The following DOCK7 variants were observed in gnomAD, a reference collection of about 807,000 sequenced individuals.
The protein encoded by DOCK7 is dedicator of cytokinesis 7.
DOCK7 carries 138 observed loss-of-function variants against 271.0 expected under a neutral mutation model. That is an observed-to-expected ratio of 0.51 (90% CI 0.44 to 0.59). The LOEUF is 0.59. Ranked by LOEUF, DOCK7 falls within the 20% of genes least tolerant of loss-of-function variation. The pLI, the probability that DOCK7 is intolerant of heterozygous loss-of-function variation, is 0.00. For missense variants in DOCK7, 2,066 were observed against 2,592.4 expected (o/e 0.80, Z 4.41); for synonymous variants, 823 against 876.1 (o/e 0.94, Z 1.07).
chr1:62,496,302 T>C (rs766133376), intron 38 of DOCK7, 37 bp downstream of exon 38: 1 of 1,601,428 alleles, frequency 6.2e-7, no homozygotes, highest in East Asian at 2.3e-5. Context: ...TTAACAAGCC[T>C]ATTTCAATTA....
chr1:62,583,107 G>C, intron 16 of DOCK7, 77 bp downstream of exon 16: 1 of 1,206,658 alleles, frequency 8.3e-7, no homozygotes, highest in South Asian at 1.4e-5. Context: ...CAAAGCATTT[G>C]GTAAACACAC....
At chr1:62,539,953 T>G in intron 25 of DOCK7, 61 bp from the exon 26 acceptor site, 1 of 1,170,016 alleles carries the variant, frequency 8.5e-7, no homozygotes, top group Non-Finnish European at 1.2e-6. Flanking sequence ...ACAACAACTC[T>G]AAACACTTGG....
At chr1:62,461,465 G>C (rs1645523862) in intron 48 of DOCK7, among the ~76,000 whole-genome samples, 1 of 151,916 alleles carries the variant, frequency 6.6e-6, no homozygotes, top group Non-Finnish European at 1.5e-5. Context: ...AGGACTGCTG[G>C]AGCCCAGGAG....
rs758704752 is a variant in DOCK7 at position 62,654,073 on chromosome 1, C to T, written c.231G>A (p.Arg77=). The part of the protein sequence containing the change: ...HPLAVDSGPL[R]DLIEFPPDDI... ...CATCTGGAGGAAATTCAATCAAATC[C>T]CGTAAAGGCCCAGAATCCACAGCCA... The change falls in exon 3 of 50, where the codon CGG becomes CGA. Residue 77 remains arginine, a synonymous_variant. Transcript: ENST00000635253. 2.5e-6 allele frequency: 4 copies of T among 1,613,866 alleles called. No homozygotes were observed. Among genetic ancestry groups the T allele is most frequent in the Non-Finnish European group, 3.4e-6 (4 of 1,179,896 alleles).
At chr1:62,687,010 C>G (rs1369607703) in intron 1 of DOCK7, among the ~76,000 whole-genome samples, 2 of 152,030 alleles carry the variant, frequency 1.3e-5, no homozygotes, top group Admixed American at 1.3e-4. Context: ...GAACTCCTGG[C>G]CTCAAGCGAT....
intron 41 of DOCK7, among the ~76,000 whole-genome samples, chr1:62,490,478 G>A (rs1274096622): frequency 3.3e-5 from 5 of 152,048 alleles, no homozygotes; most frequent in Non-Finnish European, 7.4e-5. Flanking sequence ...AGTCCTCATC[G>A]GTTCACAGAT....
intron 22 of DOCK7, among the ~76,000 whole-genome samples, chr1:62,550,430 A>G (rs947487453): frequency 6.6e-6 from 1 of 152,176 alleles, no homozygotes; most frequent in Non-Finnish European, 1.5e-5. Context: ...TAAAATGAGA[A>G]AAGGAATGAG....
At chr1:62,653,865 A>T in intron 3 of DOCK7, 72 bp from the exon 4 acceptor site, 2 of 1,469,530 alleles carry the variant, frequency 1.4e-6, no homozygotes, top group Non-Finnish European at 1.9e-6. Context: ...TGGTTGCTAC[A>T]ATCGCTGTTT....
chr1:62,480,653 C>A (rs1186593374), intron 43 of DOCK7, among the ~76,000 whole-genome samples: 1 of 152,148 alleles, frequency 6.6e-6, no homozygotes, highest in African/African-American at 2.4e-5. Flanking sequence ...AAGCGTTCAT[C>A]CATTCAAATA....
intron 33 of DOCK7, among the ~76,000 whole-genome samples, chr1:62,511,921 AAT>A (rs1202669202): frequency 1.3e-5 from 2 of 152,156 alleles, no homozygotes; most frequent in African/African-American, 4.8e-5. Context: ...CTAATAAGCC[AAT>A]GTCTATTATT....
At chr1:62,641,464 CATGCTT>C in intron 7 of DOCK7, 1 of 423,574 alleles carries the variant, frequency 2.4e-6, no homozygotes, top group South Asian at 1.7e-5. Context: ...TGTGGGGCAG[CATGCTT>C]CACATGGTCC....
At chr1:62,474,785 T>G (rs1311184054) in intron 47 of DOCK7, among the ~76,000 whole-genome samples, 1 of 152,176 alleles carries the variant, frequency 6.6e-6, no homozygotes, top group African/African-American at 2.4e-5. Flanking sequence ...CAAGGACTAA[T>G]GGGGATGGCT....
intron 7 of DOCK7, chr1:62,640,981 C>G (rs1571872821): frequency 6.1e-6 from 1 of 162,670 alleles, no homozygotes; most frequent in Non-Finnish European, 1.3e-5. Context: ...AAGGTCTGTT[C>G]CTTGCCCCCA....
intron 48 of DOCK7, among the ~76,000 whole-genome samples, chr1:62,460,730 C>T (rs566433123): frequency 1.3e-5 from 2 of 152,182 alleles, no homozygotes; most frequent in African/African-American, 4.8e-5. Context: ...GATCTCAGCT[C>T]ACTGCAGCTT....
intron 12 of DOCK7, among the ~76,000 whole-genome samples, chr1:62,620,314 C>CA (rs1295410637): frequency 7.0e-6 from 1 of 142,768 alleles, no homozygotes; most frequent in Non-Finnish European, 1.5e-5. Flanking sequence ...GACTCTGTCT[C>CA]AAAAATAAAA....
At chr1:62,625,725 G>A (rs946986068) in intron 11 of DOCK7, among the ~76,000 whole-genome samples, 1 of 152,152 alleles carries the variant, frequency 6.6e-6, no homozygotes, top group South Asian at 2.1e-4. Context: ...TTTAGTCATC[G>A]TTAATCTTCC....
intron 31 of DOCK7, among the ~76,000 whole-genome samples, chr1:62,527,874 T>TAAA (rs34335688): frequency 8.9e-5 from 12 of 135,518 alleles, no homozygotes; most frequent in Non-Finnish European, 1.4e-4. Context: ...ACTTAAAGTA[T>TAAA]AAAAAAAAAA....
At chr1:62,650,337 C>G (rs1657177114) in intron 4 of DOCK7, among the ~76,000 whole-genome samples, 1 of 149,408 alleles carries the variant, frequency 6.7e-6, no homozygotes, top group South Asian at 2.1e-4. Flanking sequence ...ATATAAGACT[C>G]TCAATAAACA....
At chr1:62,584,655 T>A in intron 15 of DOCK7, 2 of 1,336,454 alleles carry the variant, frequency 1.5e-6, no homozygotes, top group Non-Finnish European at 1.9e-6. Flanking sequence ...TTTAGCAATA[T>A]GGATTGAGCA....
Sources: gnomAD v4.1 joint callset for allele counts (sites outside exome capture counted in the v4.1 genomes callset) on GRCh38, gnomAD v4.1.1 for gene constraint, MANE v1.5 for transcripts, NCBI Gene and HGNC (gene_info 2026-07-23, HGNC 2026-07-21) for gene names.